ZDHHC9: variants seen among roughly 807,000 people sequenced by gnomAD.
The protein encoded by ZDHHC9 is palmitoyltransferase ZDHHC9.
Under a neutral mutation model 26.6 loss-of-function variants are expected in ZDHHC9, and 3 were observed. The ratio of observed to expected loss-of-function variants is 0.11; its 90% CI spans 0.05 to 0.29. The LOEUF is 0.29. ZDHHC9 is among the 10% of genes least tolerant of loss of function. The pLI, the probability that ZDHHC9 is intolerant of heterozygous loss-of-function variation, is 1.00. For synonymous variants in ZDHHC9, 111 were observed against 109.4 expected (o/e 1.01, Z -0.09); for missense variants, 146 against 296.4 (o/e 0.49, Z 3.73).
Position 129,813,729 on chromosome X carries a change from T to C in ZDHHC9, c.626-4A>G. 2.5e-6 allele frequency: 3 copies of C among 1,207,010 alleles called. 1 individual carries two copies. The Middle Eastern group carries it at 6.9e-4, about 279-fold the overall frequency. ...AAGAAGCCAATTTTCAAAGATTCTG[T>C]GAAATTGGATGGAAGAGTAGAGAGA... On this transcript the variant is annotated splice_polypyrimidine_tract_variant and splice_region_variant and intron_variant, in intron 6 of 10. Transcript: ENST00000357166.
chrX:129,824,824 C>T (rs540017043), intron 4 of ZDHHC9, among the ~76,000 whole-genome samples: 7 of 111,474 alleles, frequency 6.3e-5, no homozygotes, highest in African/African-American at 9.8e-5. Flanking sequence ...ATGACATAGA[C>T]GAAAGAATGG....
chrX:129,813,639 A>G lies in ZDHHC9; in HGVS notation c.674+38T>C, dbSNP rs776393715. The G allele has an allele frequency of 2.2e-5, 26 of 1,189,757 alleles. No individual in the cohort carries two copies. The South Asian group carries it at 4.3e-4, about 19-fold the overall frequency. ...AAAAAGCATGCTGGAAAGTAGCTTA[A>G]GAAGGCTTCACAGGGACATACTGCC... On this transcript the variant is annotated intron_variant, in intron 7 of 10. Coordinates refer to ENST00000357166, the MANE Select transcript of ZDHHC9 (RefSeq NM_016032.4).
intron 3 of ZDHHC9, among the ~76,000 whole-genome samples, chrX:129,836,693 G>A (rs753874502): frequency 4.7e-4 from 53 of 112,164 alleles, no homozygotes; most frequent in Non-Finnish European, 7.3e-4. Flanking sequence ...ACCAGGAGTG[G>A]CCACAGCAGT....
chrX:129,815,893 T>C (rs779336710), intron 5 of ZDHHC9, among the ~76,000 whole-genome samples: 1 of 111,641 alleles, frequency 9.0e-6, no homozygotes, highest in African/African-American at 3.3e-5. Context: ...TAATCTTAAG[T>C]GTCCTCACCA....
intron 5 of ZDHHC9, chrX:129,823,344 T>C (rs1363767177): frequency 4.0e-6 from 1 of 252,145 alleles, no homozygotes; most frequent in Non-Finnish European, 7.1e-6. Flanking sequence ...TCCAGTGGAC[T>C]AGGTGTCTCC....
chrX:129,826,931 C>T (rs766584106), intron 4 of ZDHHC9, among the ~76,000 whole-genome samples: 107 of 112,649 alleles, frequency 9.5e-4, no homozygotes, highest in African/African-American at 3.2e-3. Context: ...CAGTGGCTTA[C>T]GCCTGTAATC....
chrX:129,818,992 G>A (rs1479990558), intron 5 of ZDHHC9, among the ~76,000 whole-genome samples: 2 of 108,880 alleles, frequency 1.8e-5, no homozygotes, highest in African/African-American at 6.7e-5. Context: ...CTAACACGGT[G>A]AAATCCCGTC....
rs372273152 is a variant in ZDHHC9 at position 129,805,328 on chromosome X, A to AT, written c.*1041dup. On this transcript the variant is annotated 3_prime_UTR_variant, in exon 11 of 11. Transcript: ENST00000357166. ...AGGCTTAATGGAAGAACTGGTTAGC[A>AT]TTTTTTTTTTTTTGAGGGTACATCG... is the stretch of plus-strand genomic sequence containing the variant. 0.018 allele frequency: 1,881 copies of AT among 103,372 alleles called. 24 individuals carry two copies. Among genetic ancestry groups the AT allele is most frequent in the East Asian group, 0.065 (214 of 3,317 alleles). The allele number at this position is 103,372 out of a possible 1,213,427, so 8.5% of individuals were successfully genotyped here. A position where few individuals can be genotyped will look rare whatever the true frequency, so the allele number is the denominator to read the frequency against.
intron 3 of ZDHHC9, among the ~76,000 whole-genome samples, chrX:129,833,968 T>C (rs1928202955): frequency 8.9e-6 from 1 of 112,434 alleles, no homozygotes; most frequent in Non-Finnish European, 1.9e-5. Flanking sequence ...ACCTACCTGC[T>C]ACTTACTGAA....
At position 129,841,875 on chromosome X, in the gene ZDHHC9, C is replaced by A; in HGVS notation, c.71G>T (p.Cys24Phe). The part of the protein sequence containing the change: ...WEKLPGRNTF[C>F]CDGRVMMARQ... ...GGCCATCATGACGCGGCCATCACAG[C>A]AAAAGGTGTTCCTGCCTGGGAGTTT... The change falls in exon 3 of 11, where the codon TGC becomes TTC. Residue 24 changes from cysteine (C) to phenylalanine (F), a missense_variant. Cys to Phe is a radical substitution (Grantham distance 205). Coordinates refer to ENST00000357166, the MANE Select transcript of ZDHHC9 (RefSeq NM_016032.4). 1 of 1,212,009 alleles carries A rather than the reference C, an allele frequency of 8.3e-7. No homozygotes were observed. Among genetic ancestry groups the A allele is most frequent in the Non-Finnish European group, 1.1e-6 (1 of 895,579 alleles).
At position 129,843,796 on chromosome X, in the gene ZDHHC9, C is replaced by A. The variant is rs1928441760; in HGVS notation, c.-304G>T. The A allele has an allele frequency of 9.0e-6, 1 of 110,847 alleles. No homozygotes were observed. The highest frequency in any genetic ancestry group is 1.9e-5 in the Non-Finnish European group (1 of 52,686). The allele number at this position is 110,847 out of a possible 1,213,427, so 9.1% of individuals were successfully genotyped here. On this transcript the variant is annotated 5_prime_UTR_variant, in exon 1 of 11. Transcript: ENST00000357166. Reference sequence around the variant, plus strand: ...CAAAGGTGGCAGCGACTTGTCCTCCCCGGGCCGGGAGGCTGTCTCCTCCTG... The same window carrying A: ...CAAAGGTGGCAGCGACTTGTCCTCCACGGGCCGGGAGGCTGTCTCCTCCTG...
chrX:129,815,004 G>A (rs1194562662), intron 5 of ZDHHC9, among the ~76,000 whole-genome samples: 2 of 109,750 alleles, frequency 1.8e-5, no homozygotes, highest in African/African-American at 6.7e-5. Context: ...TTGGGCAAAA[G>A]GAGATACTCT....
At position 129,842,110 on chromosome X, in the gene ZDHHC9, T is replaced by C. The variant is rs1347071586; in HGVS notation, c.-135-30A>G. 3 of 575,880 alleles carry C rather than the reference T, an allele frequency of 5.2e-6. No homozygotes were observed. The African/African-American group carries it at 7.0e-5, about 13-fold the overall frequency. 47.5% of individuals were successfully genotyped at this position (575,880 alleles called of 1,213,427 possible). On this transcript the variant is annotated intron_variant, in intron 2 of 10. Transcript: ENST00000357166. ...GAAAAAGCAGAAAAAGAAAAAAAAA[T>C]GAGGCAATAATAAGAAAATACAGTT... is the stretch of plus-strand genomic sequence containing the variant.
At chrX:129,809,465 A>T (rs1927587068) in intron 10 of ZDHHC9, among the ~76,000 whole-genome samples, 1 of 112,095 alleles carries the variant, frequency 8.9e-6, no homozygotes, top group Admixed American at 9.5e-5. Flanking sequence ...CAGTCACAAA[A>T]GACCACATAT....
intron 6 of ZDHHC9, among the ~76,000 whole-genome samples, chrX:129,814,348 G>A (rs780341560): frequency 2.7e-5 from 3 of 111,879 alleles, no homozygotes; most frequent in African/African-American, 6.5e-5. Flanking sequence ...AGGATGCTCC[G>A]AGACAAAATA....
chrX:129,843,580 G>C (rs983616226), intron 1 of ZDHHC9, 116 bp downstream of exon 1: 8 of 111,660 alleles, frequency 7.2e-5, no homozygotes, highest in Admixed American at 3.7e-4. Context: ...CAGGGGCTCG[G>C]CGGCTGCCGA....
chrX:129,819,767 G>A (rs1019263940), intron 5 of ZDHHC9, among the ~76,000 whole-genome samples: 5 of 110,638 alleles, frequency 4.5e-5, no homozygotes, highest in South Asian at 3.9e-4. Context: ...GCACAATCTC[G>A]GTTCAATGCA....
intron 4 of ZDHHC9, among the ~76,000 whole-genome samples, chrX:129,824,580 G>A (rs1179912980): frequency 3.6e-5 from 4 of 111,694 alleles, no homozygotes; most frequent in Non-Finnish European, 7.5e-5. Flanking sequence ...GTGAGCCACC[G>A]TGCCCAGCCA....
chrX:129,836,800 A>G (rs193262515), intron 3 of ZDHHC9, among the ~76,000 whole-genome samples: 2 of 112,088 alleles, frequency 1.8e-5, no homozygotes, highest in Admixed American at 1.9e-4. Flanking sequence ...GTTCTCTGCA[A>G]AGATGCCTTC....
Sources: gnomAD v4.1 joint callset for allele counts (sites outside exome capture counted in the v4.1 genomes callset) on GRCh38, gnomAD v4.1.1 for gene constraint, MANE v1.5 for transcripts, NCBI Gene and HGNC (gene_info 2026-07-23, HGNC 2026-07-21) for gene names.